NTM: variants seen among roughly 807,000 people sequenced by gnomAD.
NTM encodes the protein IgLON family member 2.
A neutral mutation model predicts 42.1 loss-of-function variants in NTM; 13 were observed. The ratio of observed to expected loss-of-function variants is 0.31; its 90% confidence interval spans 0.20 to 0.49. NTM has a LOEUF of 0.49. Among genes scored for constraint, NTM ranks in the 20% least tolerant of loss-of-function variants. The pLI, the probability that NTM is intolerant of heterozygous loss-of-function variation, is 0.99. For missense variants in NTM, 373 were observed against 452.8 expected (o/e 0.82, Z 1.60); for synonymous variants, 187 against 179.2 (o/e 1.04, Z -0.35).
intron 1 of NTM, among the ~76,000 whole-genome samples, chr11:131,584,106 G>A (rs1241833037): frequency 2.6e-5 from 4 of 152,204 alleles, no homozygotes; most frequent in African/African-American, 9.7e-5. Context: ...GACTACTACA[G>A]GCAAAAAGCT....
intron 1 of NTM, among the ~76,000 whole-genome samples, chr11:131,823,397 G>C (rs1377438920): frequency 6.6e-6 from 1 of 152,098 alleles, no homozygotes; most frequent in Non-Finnish European, 1.5e-5. Flanking sequence ...AAATTAGAGG[G>C]GGTTAACTGT....
chr11:132,079,802 A>C (rs2058804040), intron 2 of NTM, among the ~76,000 whole-genome samples: 1 of 152,176 alleles, frequency 6.6e-6, no homozygotes, highest in East Asian at 1.9e-4. Flanking sequence ...TATACTATTA[A>C]TATGATTGCA....
intron 1 of NTM, among the ~76,000 whole-genome samples, chr11:131,809,481 G>A (rs1010603695): frequency 9.2e-5 from 14 of 152,134 alleles, no homozygotes; most frequent in Middle Eastern, 3.2e-3. Flanking sequence ...GAGGCCACCC[G>A]TATAAGACTA....
intron 2 of NTM, among the ~76,000 whole-genome samples, chr11:131,927,378 C>T (rs1387823116): frequency 6.6e-6 from 1 of 152,172 alleles, no homozygotes; most frequent in Non-Finnish European, 1.5e-5. Flanking sequence ...AGCACCACAC[C>T]AGGATCCTGG....
At chr11:131,955,696 C>G (rs1448810545) in intron 2 of NTM, among the ~76,000 whole-genome samples, 1 of 151,902 alleles carries the variant, frequency 6.6e-6, no homozygotes, top group Non-Finnish European at 1.5e-5. Flanking sequence ...TCCCACCCTC[C>G]CAGTGCCCCG....
chr11:131,996,944 A>G (rs1306730502), intron 2 of NTM, among the ~76,000 whole-genome samples: 3 of 152,150 alleles, frequency 2.0e-5, no homozygotes, highest in Non-Finnish European at 2.9e-5. Context: ...GTTCATCCAA[A>G]CATATCACTG....
At chr11:131,545,279 GTTTC>G (rs952114768) in intron 1 of NTM, among the ~76,000 whole-genome samples, 5 of 152,016 alleles carry the variant, frequency 3.3e-5, no homozygotes, top group African/African-American at 1.2e-4. Context: ...TTTTCCCTCT[GTTTC>G]TTTGTCTTTT....
chr11:131,730,370 A>T (rs926900332), intron 1 of NTM, among the ~76,000 whole-genome samples: 5 of 152,174 alleles, frequency 3.3e-5, no homozygotes, highest in African/African-American at 1.2e-4. Flanking sequence ...GAGATTTTGT[A>T]GTAGTGAACA....
chr11:132,160,422 A>G (rs765417738), intron 3 of NTM, among the ~76,000 whole-genome samples: 8 of 152,178 alleles, frequency 5.3e-5, no homozygotes, highest in Non-Finnish European at 1.0e-4. Flanking sequence ...CTACCAACAC[A>G]TGAAATGCCT....
intron 4 of NTM, among the ~76,000 whole-genome samples, chr11:132,231,630 T>G (rs1262662450): frequency 6.6e-6 from 1 of 152,218 alleles, no homozygotes; most frequent in Non-Finnish European, 1.5e-5. Flanking sequence ...TTATTCAAAA[T>G]GTGATGGTCC....
At chr11:132,263,473 C>T (rs1033939694) in intron 4 of NTM, among the ~76,000 whole-genome samples, 5 of 152,212 alleles carry the variant, frequency 3.3e-5, no homozygotes, top group East Asian at 1.9e-4. Context: ...TTCACATCCA[C>T]GCTGACTTCC....
At chr11:132,089,366 C>G (rs2060123687) in intron 2 of NTM, among the ~76,000 whole-genome samples, 1 of 152,216 alleles carries the variant, frequency 6.6e-6, no homozygotes, top group Non-Finnish European at 1.5e-5. Flanking sequence ...CTTGCTCCCA[C>G]TTGTTCAAAA....
chr11:131,650,566 A>G (rs1223913783), intron 1 of NTM, among the ~76,000 whole-genome samples: 1 of 152,222 alleles, frequency 6.6e-6, no homozygotes, highest in Non-Finnish European at 1.5e-5. Context: ...TGCTGAGAAG[A>G]TGTTTGTGAA....
At chr11:131,751,280 AAATAAAT>A (rs2082473600) in intron 1 of NTM, among the ~76,000 whole-genome samples, 1 of 151,622 alleles carries the variant, frequency 6.6e-6, no homozygotes, top group South Asian at 2.1e-4. Flanking sequence ...CTAAAATAAA[AAATAAAT>A]AAATAAATAA....
intron 1 of NTM, among the ~76,000 whole-genome samples, chr11:131,502,115 C>G (rs2046907377): frequency 6.6e-6 from 1 of 151,994 alleles, no homozygotes; most frequent in African/African-American, 2.4e-5. Flanking sequence ...ACAGGGCGTG[C>G]TGCTGAGGTC....
At chr11:132,064,241 A>G (rs2081108757) in intron 2 of NTM, among the ~76,000 whole-genome samples, 1 of 152,232 alleles carries the variant, frequency 6.6e-6, no homozygotes, top group South Asian at 2.1e-4. Flanking sequence ...ATAGGATCAC[A>G]TATTGCAAAT....
intron 1 of NTM, among the ~76,000 whole-genome samples, chr11:131,615,336 G>A (rs752966650): frequency 7.9e-5 from 12 of 152,054 alleles, no homozygotes; most frequent in Non-Finnish European, 1.3e-4. Flanking sequence ...AGCACTGTGC[G>A]TGGCTCATAG....
intron 2 of NTM, among the ~76,000 whole-genome samples, chr11:131,983,327 C>T (rs1460706267): frequency 6.6e-6 from 1 of 150,676 alleles, no homozygotes; most frequent in Non-Finnish European, 1.5e-5. Flanking sequence ...AAAAACATAA[C>T]AAACCTCATT....
At chr11:131,535,824 A>C (rs1173150135) in intron 1 of NTM, 1 of 152,246 alleles carries the variant, frequency 6.6e-6, no homozygotes, top group Non-Finnish European at 1.5e-5. Flanking sequence ...TGACTGACAC[A>C]TAGAAACCAC....
Sources: gnomAD v4.1 joint callset for allele counts (sites outside exome capture counted in the v4.1 genomes callset) on GRCh38, gnomAD v4.1.1 for gene constraint, MANE v1.5 for transcripts, NCBI Gene and HGNC (gene_info 2026-07-23, HGNC 2026-07-21) for gene names.